NPAS2: variants seen among roughly 807,000 people sequenced by gnomAD.
NPAS2 encodes the protein neuronal PAS domain protein 2, also known as neuronal PAS domain-containing protein 2.
NPAS2 carries 23 observed loss-of-function variants against 107.5 expected under a neutral mutation model. The observed-to-expected ratio is 0.21, with a 90% CI of 0.15 to 0.30. NPAS2 has a LOEUF of 0.30. Ranked by LOEUF, NPAS2 falls within the 10% of genes least tolerant of loss-of-function variation. The probability of loss-of-function intolerance (pLI) is 1.00; values close to 1 mark genes in which losing one functional copy is unlikely to be tolerated. For missense variants in NPAS2, 756 were observed against 1,043.3 expected (o/e 0.72, Z 3.79); for synonymous variants, 403 against 417.5 (o/e 0.97, Z 0.42).
intron 1 of NPAS2, among the ~76,000 whole-genome samples, chr2:100,896,550 G>A (rs1196635824): frequency 6.6e-6 from 1 of 152,224 alleles, no homozygotes; most frequent in East Asian, 1.9e-4. Context: ...AGCTGCCAGG[G>A]GTTGGTGAGG....
intron 1 of NPAS2, among the ~76,000 whole-genome samples, chr2:100,851,221 C>T (rs768688476): frequency 5.3e-5 from 8 of 152,074 alleles, no homozygotes; most frequent in Non-Finnish European, 7.4e-5. Context: ...AAGTTCTGGA[C>T]GTAGTTTACA....
intron 5 of NPAS2, among the ~76,000 whole-genome samples, chr2:100,946,849 CTGTT>C (rs1462274610): frequency 6.6e-6 from 1 of 152,070 alleles, no homozygotes; most frequent in African/African-American, 2.4e-5. Context: ...ACTATGGACA[CTGTT>C]TGGTTTGAGG....
intron 2 of NPAS2, among the ~76,000 whole-genome samples, chr2:100,923,196 G>A (rs1293819601): frequency 6.6e-6 from 1 of 152,200 alleles, no homozygotes; most frequent in Non-Finnish European, 1.5e-5. Context: ...GGTAAAGAGA[G>A]TGGCTCGGCG....
intron 5 of NPAS2, among the ~76,000 whole-genome samples, chr2:100,938,762 C>T (rs1042502248): frequency 1.3e-5 from 2 of 152,048 alleles, no homozygotes; most frequent in Admixed American, 6.5e-5. Flanking sequence ...TGTTCCTAGG[C>T]GGCAGCTTCG....
chr2:100,884,707 C>T (rs1268664102), intron 1 of NPAS2, among the ~76,000 whole-genome samples: 7 of 152,152 alleles, frequency 4.6e-5, no homozygotes, highest in African/African-American at 1.7e-4. Context: ...CTTACATAGA[C>T]ATGAACATAG....
At chr2:100,913,588 A>C (rs1175182785) in intron 2 of NPAS2, among the ~76,000 whole-genome samples, 2 of 152,182 alleles carry the variant, frequency 1.3e-5, no homozygotes, top group Admixed American at 1.3e-4. Context: ...AGCAGTCCAC[A>C]TATGAAATGG....
intron 5 of NPAS2, among the ~76,000 whole-genome samples, chr2:100,939,922 C>T (rs1674476037): frequency 6.6e-6 from 1 of 152,082 alleles, no homozygotes; most frequent in Non-Finnish European, 1.5e-5. Flanking sequence ...AATGCTGGAC[C>T]CACTTGAATG....
Position 100,900,188 on chromosome 2 carries a change from C to T in NPAS2, c.-22-4545C>T, listed in dbSNP as rs117261957. 4.5e-4 allele frequency among the ~76,000 whole-genome samples: 68 copies of T among 152,286 alleles called. 1 individual carries two copies. The East Asian group carries it at 9.5e-3, about 21-fold the overall frequency. On this transcript the variant is annotated intron_variant, in intron 1 of 20. Coordinates refer to ENST00000335681, the MANE Select transcript of NPAS2 (RefSeq NM_002518.4). ...CCACAGACTGGGAGAAAATGTTCAC[C>T]ATTCATATTTTCTGACAAAGTACTT... is the stretch of plus-strand genomic sequence containing the variant.
intron 5 of NPAS2, among the ~76,000 whole-genome samples, chr2:100,945,514 CTT>C (rs1310379255): frequency 6.6e-6 from 1 of 152,230 alleles, no homozygotes; most frequent in Admixed American, 6.5e-5. Flanking sequence ...AGCAGGATCT[CTT>C]TAAAATGCAC....
chr2:100,924,680 GCAGGGGC>G (rs1683448832), intron 2 of NPAS2, among the ~76,000 whole-genome samples: 1 of 152,230 alleles, frequency 6.6e-6, no homozygotes, highest in African/African-American at 2.4e-5. Flanking sequence ...GCTCTTTGGA[GCAGGGGC>G]CAGGACATAT....
At chr2:100,920,858 C>G (rs1042182236) in intron 2 of NPAS2, among the ~76,000 whole-genome samples, 12 of 152,198 alleles carry the variant, frequency 7.9e-5, no homozygotes, top group Non-Finnish European at 1.8e-4. Context: ...ATTTGGTGAA[C>G]AGCAATCCTA....
intron 7 of NPAS2, among the ~76,000 whole-genome samples, chr2:100,962,139 C>G (rs1453046302): frequency 2.0e-5 from 3 of 152,140 alleles, no homozygotes; most frequent in African/African-American, 7.2e-5. Context: ...CAACTTGTGA[C>G]AGATGTAAGC....
intron 1 of NPAS2, among the ~76,000 whole-genome samples, chr2:100,853,738 G>T (rs902444606): frequency 6.6e-6 from 1 of 152,130 alleles, no homozygotes; most frequent in Non-Finnish European, 1.5e-5. Context: ...ACAAAGGGGA[G>T]CCCCAGGGGC....
intron 2 of NPAS2, among the ~76,000 whole-genome samples, chr2:100,912,214 C>CCATT (rs1682594508): frequency 8.1e-6 from 1 of 123,722 alleles, no homozygotes; most frequent in Admixed American, 9.4e-5. Context: ...TCAGTTTGCT[C>CCATT]CATTTATTTA....
Position 100,932,952 on chromosome 2 carries a change from G to A in NPAS2, c.224G>A (p.Trp75Ter). The A allele has an allele frequency of 6.2e-7, 1 of 1,614,108 alleles. No homozygotes were observed. The highest frequency in any genetic ancestry group is 8.5e-7 in the Non-Finnish European group (1 of 1,179,964). Residue 75 changes from tryptophan to a stop codon, truncating the protein, a stop_gained, in exon 4 of 21, where the codon TGG becomes TAG. Transcript: ENST00000335681. LOFTEE classifies it high-confidence loss of function. ...GAAATCTGTGACATTCAGCAAGACT[G>A]GAAGCCTTCATTCCTCAGTAATGAA... is the stretch of plus-strand genomic sequence containing the variant. ...QTEICDIQQD[W>*]KPSFLSNEEF...
chr2:100,964,550 G>C (rs562918434), intron 8 of NPAS2, among the ~76,000 whole-genome samples: 148 of 152,344 alleles, frequency 9.7e-4, no homozygotes, highest in Admixed American at 5.6e-3. Context: ...TCGATGGCAT[G>C]AATGTTGAGT....
chr2:100,954,901 G>A (rs1001814397), intron 7 of NPAS2, among the ~76,000 whole-genome samples: 8 of 149,852 alleles, frequency 5.3e-5, no homozygotes, highest in African/African-American at 1.7e-4. Context: ...TTTTTGAGAC[G>A]GAGTCTCGCT....
intron 1 of NPAS2, among the ~76,000 whole-genome samples, chr2:100,880,834 G>A (rs1267060509): frequency 6.6e-6 from 1 of 152,192 alleles, no homozygotes; most frequent in Non-Finnish European, 1.5e-5. Flanking sequence ...GAGGAAATGA[G>A]TAGAAGCTCC....
At chr2:100,837,486 T>C (rs1198696310) in intron 1 of NPAS2, among the ~76,000 whole-genome samples, 1 of 152,108 alleles carries the variant, frequency 6.6e-6, no homozygotes, top group African/African-American at 2.4e-5. Flanking sequence ...GACGGTTTTG[T>C]ATTTTTAGTA....
Sources: allele counts gnomAD v4.1 joint callset (sites outside exome capture counted in the v4.1 genomes callset), GRCh38; gene constraint gnomAD v4.1.1; transcripts MANE v1.5; gene names NCBI Gene and HGNC (gene_info 2026-07-23, HGNC 2026-07-21).